RORB: variants seen among roughly 807,000 people sequenced by gnomAD.
The protein encoded by RORB is RAR related orphan receptor B.
A neutral mutation model predicts 59.1 loss-of-function variants in RORB; 6 were observed. The observed-to-expected ratio is 0.10, with a 90% CI of 0.06 to 0.20. The LOEUF is 0.20. RORB is among the 10% of genes least tolerant of loss of function. The pLI, the probability that RORB is intolerant of heterozygous loss-of-function variation, is 1.00. For synonymous variants in RORB, 215 were observed against 204.5 expected (o/e 1.05, Z -0.44); for missense variants, 320 against 560.5 (o/e 0.57, Z 4.33).
chr9:74,675,025 T>A (rs1048746339), intron 9 of RORB, among the ~76,000 whole-genome samples: 2 of 151,430 alleles, frequency 1.3e-5, no homozygotes, highest in African/African-American at 4.8e-5. Context: ...TTGTAGCTGT[T>A]GTTGTTGACA....
chr9:74,679,363 C>T (rs1007526882), intron 9 of RORB, among the ~76,000 whole-genome samples: 3 of 152,196 alleles, frequency 2.0e-5, no homozygotes, highest in Non-Finnish European at 2.9e-5. Flanking sequence ...ACAAAGTTAG[C>T]ATACCCGTGT....
rs182070161 is a variant in RORB at position 74,534,548 on chromosome 9, G to T, written c.7+36565G>T. Among the ~76,000 whole-genome samples the T allele has an allele frequency of 1.2e-4, 18 of 152,084 alleles. No individual in the cohort carries two copies. In the East Asian group the frequency reaches 3.5e-3, roughly 30 times the overall value. On this transcript the variant is annotated intron_variant, in intron 1 of 9. Transcript: ENST00000376896. ...CATATTTTGCCCCTGGCACCAGAGT[G>T]ATGGCTTCATTTTTAATGACAGATG...
At chr9:74,600,857 T>C (rs550940524) in intron 1 of RORB, among the ~76,000 whole-genome samples, 1 of 152,264 alleles carries the variant, frequency 6.6e-6, no homozygotes, top group South Asian at 2.1e-4. Flanking sequence ...CTATCTAGGG[T>C]TGAGCAGATT....
intron 7 of RORB, among the ~76,000 whole-genome samples, chr9:74,667,035 T>C (rs541110439): frequency 4.6e-5 from 7 of 152,214 alleles, no homozygotes; most frequent in African/African-American, 1.7e-4. Context: ...CCTTCTACAG[T>C]TGATACACAT....
chr9:74,585,375 C>T (rs17690712), intron 1 of RORB, among the ~76,000 whole-genome samples: 47,158 of 152,088 alleles, frequency 0.31, 7,477 homozygotes, highest in Non-Finnish European at 0.35. Flanking sequence ...AAATGGAGTT[C>T]TCCAAAGGTT....
At chr9:74,570,604 C>T (rs891654609) in intron 1 of RORB, among the ~76,000 whole-genome samples, 3 of 152,048 alleles carry the variant, frequency 2.0e-5, no homozygotes, top group African/African-American at 7.2e-5. Context: ...TTAAGCATGG[C>T]TGGTACAATT....
At chr9:74,663,131 T>C (rs1445275875) in intron 6 of RORB, among the ~76,000 whole-genome samples, 2 of 152,030 alleles carry the variant, frequency 1.3e-5, no homozygotes. Context: ...CTCAAGAAAC[T>C]CTGCATATGA....
chr9:74,546,460 G>A (rs1228583925), intron 1 of RORB, among the ~76,000 whole-genome samples: 5 of 152,126 alleles, frequency 3.3e-5, no homozygotes, highest in Non-Finnish European at 5.9e-5. Flanking sequence ...AGCTAGTGTA[G>A]AACACTGTCA....
intron 3 of RORB, among the ~76,000 whole-genome samples, chr9:74,640,433 CTGTG>C (rs71368671): frequency 5.4e-5 from 8 of 148,434 alleles, no homozygotes; most frequent in South Asian, 4.4e-4. Flanking sequence ...TCGGCTAATT[CTGTG>C]TGTGTGTGTG....
At chr9:74,560,139 T>C (rs903798591) in intron 1 of RORB, among the ~76,000 whole-genome samples, 1 of 152,216 alleles carries the variant, frequency 6.6e-6, no homozygotes, top group Non-Finnish European at 1.5e-5. Flanking sequence ...CAGTGACATG[T>C]GAGAACCTTA....
intron 6 of RORB, among the ~76,000 whole-genome samples, chr9:74,663,598 C>A (rs949033316): frequency 6.6e-6 from 1 of 152,202 alleles, no homozygotes; most frequent in Non-Finnish European, 1.5e-5. Flanking sequence ...AGAATTATTT[C>A]TTTCGCTCTC....
At chr9:74,581,308 C>T (rs1822719459) in intron 1 of RORB, among the ~76,000 whole-genome samples, 2 of 152,158 alleles carry the variant, frequency 1.3e-5, no homozygotes, top group Admixed American at 6.6e-5. Flanking sequence ...TCTACTCTTT[C>T]TTGAGCTGTA....
intron 1 of RORB, among the ~76,000 whole-genome samples, chr9:74,593,658 A>G (rs1398431334): frequency 6.6e-6 from 1 of 152,160 alleles, no homozygotes; most frequent in Non-Finnish European, 1.5e-5. Flanking sequence ...TCTGCTTTCC[A>G]AGTCCTCCAT....
chr9:74,619,236 A>G (rs1056350116), intron 1 of RORB, among the ~76,000 whole-genome samples: 6 of 152,146 alleles, frequency 3.9e-5, no homozygotes, highest in Non-Finnish European at 5.9e-5. Context: ...TCACTTTCCA[A>G]GACCTGGCTC....
At chr9:74,684,840 C>T (rs927597432) in intron 9 of RORB, among the ~76,000 whole-genome samples, 2 of 152,156 alleles carry the variant, frequency 1.3e-5, no homozygotes, top group Admixed American at 6.5e-5. Flanking sequence ...CAGTCCAGAT[C>T]ATTATAGATT....
chr9:74,594,360 C>A (rs78404206), intron 1 of RORB, among the ~76,000 whole-genome samples: 1 of 152,056 alleles, frequency 6.6e-6, no homozygotes, highest in Non-Finnish European at 1.5e-5. Context: ...TTCAGGTCCT[C>A]GATGGTTATT....
intron 9 of RORB, among the ~76,000 whole-genome samples, chr9:74,680,271 T>C (rs1235538299): frequency 1.3e-5 from 2 of 152,200 alleles, no homozygotes; most frequent in South Asian, 2.1e-4. Context: ...GAACTACGAA[T>C]TGGGAAGCCT....
intron 1 of RORB, among the ~76,000 whole-genome samples, chr9:74,511,994 T>C (rs937478147): frequency 1.3e-5 from 2 of 151,956 alleles, no homozygotes; most frequent in Non-Finnish European, 2.9e-5. Context: ...GTGATAACAA[T>C]AATAAGAAGA....
Position 74,655,000 on chromosome 9 carries a change from GC to G in RORB, c.638-5615del, listed in dbSNP as rs1441799291. 5.3e-5 allele frequency among the ~76,000 whole-genome samples: 8 copies of G among 152,248 alleles called. No individual in the cohort carries two copies. In the East Asian group the frequency reaches 9.6e-4, roughly 18 times the overall value. ...TGCAATACACACCCAATTTTTCCTT[GC>G]CTGCATCAATGTTCACTTTTTGCCT... On this transcript the variant is annotated intron_variant, in intron 4 of 9. Coordinates refer to ENST00000376896, the MANE Select transcript of RORB (RefSeq NM_006914.4).
Sources: allele counts gnomAD v4.1 joint callset (sites outside exome capture counted in the v4.1 genomes callset), GRCh38; gene constraint gnomAD v4.1.1; transcripts MANE v1.5; gene names NCBI Gene and HGNC (gene_info 2026-07-23, HGNC 2026-07-21).